PCDHGA1: variants seen among roughly 807,000 people sequenced by gnomAD.
The protein encoded by PCDHGA1 is protocadherin gamma-A1.
In PCDHGA1, 32 loss-of-function variants were observed where a neutral mutation model predicts 58.0. The ratio of observed to expected loss-of-function variants is 0.55; its 90% CI spans 0.42 to 0.74. The LOEUF (loss-of-function observed/expected upper bound fraction) is 0.74. Among genes scored for constraint, PCDHGA1 ranks in the 30% least tolerant of loss-of-function variants. The probability of loss-of-function intolerance (pLI) is 0.00; values close to 1 mark genes in which losing one functional copy is unlikely to be tolerated. For synonymous variants in PCDHGA1, 498 were observed against 501.1 expected, an observed-to-expected ratio of 0.99 and a Z score of 0.08; for missense variants, 1,205 against 1,182.3, an observed-to-expected ratio of 1.02 and a Z score of -0.28.
At chr5:141,459,165 C>T (rs1418626354) in intron 1 of PCDHGA1, among the ~76,000 whole-genome samples, 2 of 152,130 alleles carry the variant, frequency 1.3e-5, no homozygotes, top group African/African-American at 4.8e-5. Context: ...ATTTCTATAA[C>T]CTTCAAAAGT....
rs202040451 is a variant in PCDHGA1, at chr5:141,382,987, C to A, written c.2421+49882C>A. The A allele has an allele frequency of 1.5e-4, 247 of 1,613,278 alleles. 1 individual carries two copies. The East Asian group carries it at 4.5e-3, about 30-fold the overall frequency. On this transcript the variant is annotated intron_variant, in intron 1 of 3. Transcript: ENST00000517417. ...GACCCCCTGGGAAGCCTGGGCAGGA[C>A]GTATTCTCTACTCCGTGTCGGAGGA...
intron 1 of PCDHGA1, chr5:141,374,167 A>G (rs1320540619): frequency 1.9e-6 from 3 of 1,613,124 alleles, no homozygotes; most frequent in Non-Finnish European, 2.5e-6. Flanking sequence ...GGGCCGCGGC[A>G]GCGCAGATCC....
chr5:141,422,691 C>A, intron 1 of PCDHGA1: 1 of 1,603,878 alleles, frequency 6.2e-7, no homozygotes, highest in Non-Finnish European at 8.5e-7. Flanking sequence ...ATGCCCTGGT[C>A]ACTTACTCTC....
chr5:141,477,296 G>C lies in PCDHGA1; in HGVS notation c.2422-17511G>C. On this transcript the variant is annotated intron_variant, in intron 1 of 3. Transcript: ENST00000517417. This position sits in a 1 kb window ranked among gnomAD's most constrained non-coding sequence, Gnocchi z 4.9. ...GCTGGTGACCTGCGAAGTTCCACCG[G>C]GTCTCCCTTTCAGCCTTACTTCTTC... 3 of 1,614,064 alleles carry C rather than the reference G, an allele frequency of 1.9e-6. No individual in the cohort carries two copies. Among genetic ancestry groups the C allele is most frequent in the African/African-American group, 1.3e-5 (1 of 75,014 alleles).
intron 1 of PCDHGA1, chr5:141,374,770 G>C (rs750704696): frequency 1.2e-6 from 2 of 1,613,694 alleles, no homozygotes; most frequent in Non-Finnish European, 1.7e-6. Flanking sequence ...CCCAAATTCT[G>C]GTAACAGTTC....
chr5:141,433,406 T>TC (rs397794347), intron 1 of PCDHGA1, among the ~76,000 whole-genome samples: 446 of 150,100 alleles, frequency 3.0e-3, no homozygotes, highest in African/African-American at 0.01. Context: ...TATCTATCTA[T>TC]TACTTTCTTG....
At chr5:141,409,620 A>C in intron 1 of PCDHGA1, 2 of 1,613,876 alleles carry the variant, frequency 1.2e-6, no homozygotes, top group Non-Finnish European at 1.7e-6. Flanking sequence ...TCCATTGCGC[A>C]AGTGAGCGCC....
At position 141,486,709 on chromosome 5, in the gene PCDHGA1, C is replaced by T; in HGVS notation, c.2422-8098C>T. 6.2e-7 allele frequency: 1 copy of T among 1,614,182 alleles called. No individual in the cohort carries two copies. ...CTTCCTCTTTCATCTCTCTGAACCC[C>T]CAGACAGGAGCTGTTCATGCTACTC... On this transcript the variant is annotated intron_variant, in intron 1 of 3. Coordinates refer to ENST00000517417, the MANE Select transcript of PCDHGA1 (RefSeq NM_018912.3). This position sits in a 1 kb window ranked among gnomAD's most constrained non-coding sequence, Gnocchi z 5.0.
chr5:141,491,528 C>T lies in PCDHGA1; in HGVS notation c.2422-3279C>T, dbSNP rs745806026. ...GGCACGCTCAAGTACATGGAGGTGACGCTGCGGCCCACAGACTCGCAGAGC... is the reference window on the plus strand; with the variant it reads ...GGCACGCTCAAGTACATGGAGGTGATGCTGCGGCCCACAGACTCGCAGAGC... On this transcript the variant is annotated intron_variant, in intron 1 of 3. Coordinates refer to ENST00000517417, the MANE Select transcript of PCDHGA1 (RefSeq NM_018912.3). The surrounding 1 kb of genome is among the most constrained non-coding windows in gnomAD (Gnocchi z 6.9). 4 of 1,613,950 alleles carry T rather than the reference C, an allele frequency of 2.5e-6. No individual in the cohort carries two copies. Among genetic ancestry groups the T allele is most frequent in the South Asian group, 1.1e-5 (1 of 91,092 alleles).
At chr5:141,395,495 T>A (rs182989344) in intron 1 of PCDHGA1, 1 of 498,616 alleles carries the variant, frequency 2.0e-6, no homozygotes, top group East Asian at 3.5e-5. Context: ...TATCACTCAT[T>A]CACTTAAGAA....
Position 141,489,898 on chromosome 5 carries a change from C to T in PCDHGA1, c.2422-4909C>T. On this transcript the variant is annotated intron_variant, in intron 1 of 3. Transcript: ENST00000517417. The surrounding 1 kb of genome is among the most constrained non-coding windows in gnomAD (Gnocchi z 4.5). ...GCTTACTGCTGTGGATGGGGGGACC[C>T]CAGCCCGCTCAGGGACCACCCTTAT... 6.2e-7 allele frequency: 1 copy of T among 1,614,216 alleles called. No homozygotes were observed. Among genetic ancestry groups the T allele is most frequent in the Non-Finnish European group, 8.5e-7 (1 of 1,180,036 alleles).
intron 1 of PCDHGA1, chr5:141,341,311 C>T: frequency 6.2e-7 from 1 of 1,614,266 alleles, no homozygotes; most frequent in Non-Finnish European, 8.5e-7. Context: ...ACACGCTCAT[C>T]AGCCAGGAGA....
At chr5:141,422,168 G>T in intron 1 of PCDHGA1, 2 of 1,563,582 alleles carry the variant, frequency 1.3e-6, no homozygotes, top group Non-Finnish European at 1.7e-6. Context: ...GAAAAATATA[G>T]ATTCTATGAG....
intron 1 of PCDHGA1, among the ~76,000 whole-genome samples, chr5:141,492,474 G>T (rs2099741007): frequency 6.6e-6 from 1 of 152,218 alleles, no homozygotes; most frequent in African/African-American, 2.4e-5. Context: ...CCCAGATCGC[G>T]GCCGCCCAGG....
intron 1 of PCDHGA1, among the ~76,000 whole-genome samples, chr5:141,483,010 G>C (rs574078222): frequency 6.6e-6 from 1 of 152,006 alleles, no homozygotes; most frequent in Non-Finnish European, 1.5e-5. Flanking sequence ...GCTTGAACCC[G>C]GGAGGCAGAG....
chr5:141,346,128 G>C (rs563631055), intron 1 of PCDHGA1: 1 of 1,613,952 alleles, frequency 6.2e-7, no homozygotes, highest in South Asian at 1.1e-5. Flanking sequence ...GGCGGTGGCC[G>C]CGGTCTCCTG....
At chr5:141,384,494 T>G (rs900386629) in intron 1 of PCDHGA1, 2 of 1,613,972 alleles carry the variant, frequency 1.2e-6, no homozygotes, top group Admixed American at 1.7e-5. Context: ...CAACTAAGAG[T>G]GACTGCACAT....
At chr5:141,505,241 T>C in intron 2 of PCDHGA1, 152 bp from the exon 3 acceptor site, 3 of 1,396,292 alleles carry the variant, frequency 2.1e-6, no homozygotes, top group South Asian at 1.4e-5. Flanking sequence ...TTCTGAAGGA[T>C]TGTAGAAGTG....
rs1554073405 is a variant in PCDHGA1 at position 141,347,137 on chromosome 5, C to CTT, written c.2421+14033_2421+14034insTT. The stretch of plus-strand genomic sequence containing the variant: ...CTCCTTCCTTCCTTCCTCTGTTTCT[C>CTT]TCTTTCTTTCTTTCTTTCTTTCTTT... On this transcript the variant is annotated intron_variant, in intron 1 of 3. Transcript: ENST00000517417. Among the ~76,000 whole-genome samples the CTT allele has an allele frequency of 7.9e-5, 9 of 113,834 alleles. No individual in the cohort carries two copies. The South Asian group carries it at 9.4e-4, about 12-fold the overall frequency. 74.7% of individuals were successfully genotyped at this position (113,834 alleles called of 152,430 possible).
Sources: allele counts gnomAD v4.1 joint callset (sites outside exome capture counted in the v4.1 genomes callset), GRCh38; gene constraint gnomAD v4.1.1; non-coding constraint Gnocchi (gnomAD v3.1); transcripts MANE v1.5; gene names NCBI Gene and HGNC (gene_info 2026-07-23, HGNC 2026-07-21).